SIM2: variants seen among roughly 807,000 people sequenced by gnomAD.
SIM2 encodes single-minded homolog 2.
SIM2 carries 28 observed loss-of-function variants against 64.8 expected under a neutral mutation model. The ratio of observed to expected loss-of-function variants is 0.43; its 90% CI spans 0.32 to 0.59. The LOEUF (loss-of-function observed/expected upper bound fraction) is 0.59, where lower values mean the gene tolerates loss of function less well. Ranked by LOEUF, SIM2 falls within the 20% of genes least tolerant of loss-of-function variation. The probability of loss-of-function intolerance (pLI) is 0.07; values close to 1 mark genes in which losing one functional copy is unlikely to be tolerated. For missense variants in SIM2, 847 were observed against 871.4 expected (o/e 0.97, Z 0.35); for synonymous variants, 408 against 391.1 (o/e 1.04, Z -0.51).
At chr21:36,713,673 T>C (rs557394533) in intron 3 of SIM2, among the ~76,000 whole-genome samples, 27 of 152,350 alleles carry the variant, frequency 1.8e-4, no homozygotes, top group African/African-American at 6.0e-4. Context: ...AGTTTGCTCA[T>C]TGAAAAACAA....
chr21:36,728,353 G>A (rs993425890), intron 6 of SIM2, among the ~76,000 whole-genome samples: 1 of 152,178 alleles, frequency 6.6e-6, no homozygotes, highest in Non-Finnish European at 1.5e-5. Context: ...GAGACCTGAG[G>A]GCTTTTCAAG....
chr21:36,725,035 A>G (rs750175814), intron 5 of SIM2, among the ~76,000 whole-genome samples: 3 of 152,206 alleles, frequency 2.0e-5, no homozygotes, highest in Non-Finnish European at 4.4e-5. Flanking sequence ...AAATACATTA[A>G]AAATGAAGAC....
intron 3 of SIM2, among the ~76,000 whole-genome samples, chr21:36,719,321 C>T (rs1046192562): frequency 3.9e-5 from 6 of 152,288 alleles, no homozygotes; most frequent in Non-Finnish European, 8.8e-5. Context: ...TCCTCGGGCG[C>T]AGTGGCGCCC....
intron 3 of SIM2, among the ~76,000 whole-genome samples, chr21:36,714,364 A>G (rs1463416886): frequency 6.6e-6 from 1 of 152,232 alleles, no homozygotes; most frequent in South Asian, 2.1e-4. Context: ...TTAAATTTAG[A>G]TCTGAGCTCC....
At position 36,745,701 on chromosome 21, in the gene SIM2, G is replaced by T; in HGVS notation, c.1576+565G>T. ...GTAAAATGGGGTGAAGCTGTGATGT[G>T]CCTACTCCCAAGGACACGACACACA... On this transcript the variant is annotated intron_variant, in intron 10 of 10. Coordinates refer to ENST00000290399, the MANE Select transcript of SIM2 (RefSeq NM_005069.6). This position sits in a 1 kb window ranked among gnomAD's most constrained non-coding sequence, Gnocchi z 4.8. The T allele has an allele frequency of 8.0e-7, 1 of 1,247,748 alleles. No homozygotes were observed. 77.3% of individuals were successfully genotyped at this position (1,247,748 alleles called of 1,614,324 possible).
chr21:36,725,849 G>A (rs1490506815), intron 5 of SIM2, among the ~76,000 whole-genome samples: 2 of 152,184 alleles, frequency 1.3e-5, no homozygotes, highest in Non-Finnish European at 2.9e-5. Flanking sequence ...TCGAACTCCT[G>A]GACTCAAGCA....
At position 36,726,794 on chromosome 21, in the gene SIM2, T is replaced by C. The variant is rs1300798115; in HGVS notation, c.743+476T>C. Among the ~76,000 whole-genome samples, 12 of 152,126 alleles carry C rather than the reference T, an allele frequency of 7.9e-5. No homozygotes were observed. Among genetic ancestry groups the C allele is most frequent in the Admixed American group, 7.9e-4 (12 of 15,276 alleles). ...TGTGAAGCCACCACAGGGCTGAGGC[T>C]GGGAGCAGAGACGCTATCTACCCTG... On this transcript the variant is annotated intron_variant, in intron 6 of 10. Coordinates refer to ENST00000290399, the MANE Select transcript of SIM2 (RefSeq NM_005069.6). This position sits in a 1 kb window ranked among gnomAD's most constrained non-coding sequence, Gnocchi z 4.5.
rs1449702844 is a variant in SIM2 at position 36,741,841 on chromosome 21, C to T, written c.975C>T (p.Ile325=). ...HNSRSSRPHC[I]VSVNYVLTEI... is the part of the protein sequence containing the mutation. Reference sequence around the variant, plus strand: ...GCCGCTCGTCCCGGCCCCACTGCATCGTGAGTGTCAATTATGTACTCACGT... The same window carrying T: ...GCCGCTCGTCCCGGCCCCACTGCATTGTGAGTGTCAATTATGTACTCACGT... Residue 325 remains isoleucine, a synonymous_variant, in exon 8 of 11, where the codon ATC becomes ATT. Transcript: ENST00000290399. 2 of 1,600,736 alleles carry T rather than the reference C, an allele frequency of 1.2e-6. No homozygotes were observed. The highest frequency in any genetic ancestry group is 1.3e-5 in the African/African-American group (1 of 74,812).
intron 1 of SIM2, among the ~76,000 whole-genome samples, chr21:36,703,145 G>A (rs1245846736): frequency 6.6e-6 from 1 of 152,132 alleles, no homozygotes; most frequent in African/African-American, 2.4e-5. Flanking sequence ...GCCAGCCTCT[G>A]TTCCTTTTAA....
At chr21:36,724,350 C>A (rs2088862460) in intron 5 of SIM2, among the ~76,000 whole-genome samples, 1 of 152,230 alleles carries the variant, frequency 6.6e-6, no homozygotes, top group African/African-American at 2.4e-5. Flanking sequence ...GCAATCACAG[C>A]TCACTGGAGC....
chr21:36,702,052 T>A (rs769378604), intron 1 of SIM2, among the ~76,000 whole-genome samples: 12 of 152,196 alleles, frequency 7.9e-5, no homozygotes, highest in Non-Finnish European at 1.3e-4. Context: ...TTGAGGGATT[T>A]CCCGGAGAGC....
intron 3 of SIM2, among the ~76,000 whole-genome samples, chr21:36,718,906 A>G (rs2088781166): frequency 6.6e-6 from 1 of 152,196 alleles, no homozygotes; most frequent in African/African-American, 2.4e-5. Context: ...GTTTGAGAGA[A>G]CATTCGAAAG....
At chr21:36,728,160 G>C (rs959673222) in intron 6 of SIM2, among the ~76,000 whole-genome samples, 1 of 152,204 alleles carries the variant, frequency 6.6e-6, no homozygotes, top group Non-Finnish European at 1.5e-5. Context: ...TTTCTGACTT[G>C]GGAGCCACTT....
chr21:36,716,832 C>A (rs1029690481), intron 3 of SIM2, among the ~76,000 whole-genome samples: 5 of 151,208 alleles, frequency 3.3e-5, no homozygotes, highest in African/African-American at 1.2e-4. Flanking sequence ...ATGCATGAGA[C>A]CCAGGGAGTT....
chr21:36,713,555 A>G (rs930757270), intron 3 of SIM2, among the ~76,000 whole-genome samples: 2 of 152,254 alleles, frequency 1.3e-5, no homozygotes, highest in Admixed American at 6.5e-5. Flanking sequence ...ACTAGAATTA[A>G]TGATAGATAC....
intron 3 of SIM2, among the ~76,000 whole-genome samples, chr21:36,718,501 G>A (rs1184646953): frequency 6.6e-6 from 1 of 152,226 alleles, no homozygotes; most frequent in Non-Finnish European, 1.5e-5. Flanking sequence ...GACACACCAT[G>A]AGCCTCCTTT....
Position 36,745,612 on chromosome 21 carries a change from A to C in SIM2, c.1576+476A>C. On this transcript the variant is annotated intron_variant, in intron 10 of 10. Transcript: ENST00000290399. The surrounding 1 kb of genome is among the most constrained non-coding windows in gnomAD (Gnocchi z 4.8). ...GGTGGAAATTTGTGGGCTTGGGGAC[A>C]GAAATGCCACTCACCAACCCAGGGC... 8.9e-7 allele frequency: 1 copy of C among 1,125,718 alleles called. No individual in the cohort carries two copies. Among genetic ancestry groups the C allele is most frequent in the East Asian group, 6.3e-5 (1 of 15,764 alleles). 69.7% of individuals were successfully genotyped at this position (1,125,718 alleles called of 1,614,324 possible). A position where few individuals can be genotyped will look rare whatever the true frequency, so the allele number is the denominator to read the frequency against.
At chr21:36,706,556 TC>T (rs2088586355) in intron 1 of SIM2, among the ~76,000 whole-genome samples, 1 of 152,268 alleles carries the variant, frequency 6.6e-6, no homozygotes. Context: ...GACCACGTGC[TC>T]AGTGCCTCAC....
At chr21:36,736,777 TTTCTTTTCC>T (rs2089057317) in intron 7 of SIM2, among the ~76,000 whole-genome samples, 1 of 108,510 alleles carries the variant, frequency 9.2e-6, no homozygotes. Context: ...TTCTTCTTTC[TTTCTTTTCC>T]TTCTTTCTTT....
Sources: gnomAD v4.1 joint callset for allele counts (sites outside exome capture counted in the v4.1 genomes callset) on GRCh38, gnomAD v4.1.1 for gene constraint, Gnocchi (gnomAD v3.1) non-coding constraint, MANE v1.5 for transcripts, NCBI Gene and HGNC (gene_info 2026-07-23, HGNC 2026-07-21) for gene names.